The following ARPC4 variants were observed in gnomAD, a reference collection of about 807,000 sequenced individuals.
ARPC4 encodes the protein actin related protein 2/3 complex subunit 4.
ARPC4 carries 3 observed loss-of-function variants against 22.8 expected under a neutral mutation model. The observed-to-expected ratio is 0.13, with a 90% CI of 0.06 to 0.34. The LOEUF is 0.34. Ranked by LOEUF, ARPC4 falls within the 10% of genes least tolerant of loss-of-function variation. ARPC4 has a pLI of 1.00. For missense variants in ARPC4, 98 were observed against 211.0 expected (o/e 0.46, Z 3.32); for synonymous variants, 80 against 72.5 (o/e 1.10, Z -0.52).
At chr3:9,798,976 A>G (rs2125642829) in intron 2 of ARPC4, among the ~76,000 whole-genome samples, 1 of 152,380 alleles carries the variant, frequency 6.6e-6, no homozygotes, top group African/African-American at 2.4e-5. Flanking sequence ...TTAATTTTTA[A>G]TTTTAAAAAT....
At chr3:9,803,805 T>A in intron 4 of ARPC4, 38 bp from the exon 5 acceptor site, 1 of 1,599,234 alleles carries the variant, frequency 6.3e-7, no homozygotes, top group Non-Finnish European at 8.6e-7. Flanking sequence ...TTCTCTCCTG[T>A]TCCTTCTCTT....
chr3:9,794,825 G>C (rs2078847334), intron 1 of ARPC4, among the ~76,000 whole-genome samples: 1 of 152,030 alleles, frequency 6.6e-6, no homozygotes, highest in South Asian at 2.1e-4. Flanking sequence ...CCCCCCTGTA[G>C]TTTTGCCTTT....
chr3:9,794,494 G>A (rs941909869), intron 1 of ARPC4, among the ~76,000 whole-genome samples: 3 of 151,890 alleles, frequency 2.0e-5, no homozygotes, highest in East Asian at 1.9e-4. Flanking sequence ...GTAAGACTCC[G>A]TCTCAAAAAA....
Position 9,800,293 on chromosome 3 carries a change from A to G in ARPC4, c.231A>G (p.Lys77=). 1 of 1,614,088 alleles carries G rather than the reference A, an allele frequency of 6.2e-7. No individual in the cohort carries two copies. Among genetic ancestry groups the G allele is most frequent in the Non-Finnish European group, 8.5e-7 (1 of 1,179,996 alleles). Residue 77 remains lysine (K), a synonymous_variant, in exon 3 of 6, where the codon AAA becomes AAG. Transcript: ENST00000397261. ...CTGTCCGGGTCAGCATTGCTGTGAAACAGGTAAGTTCACCATGGAGGAGGC... is the reference window on the plus strand; with the variant it reads ...CTGTCCGGGTCAGCATTGCTGTGAAGCAGGTAAGTTCACCATGGAGGAGGC... ...INSVRVSIAV[K]QADEIEKILC... is the part of the protein sequence containing the mutation.
intron 1 of ARPC4, among the ~76,000 whole-genome samples, chr3:9,796,317 C>G (rs2078884335): frequency 6.6e-6 from 1 of 152,182 alleles, no homozygotes; most frequent in Non-Finnish European, 1.5e-5. Context: ...TCGCTTTAAC[C>G]CAGGAGGCGG....
chr3:9,793,521 C>T (rs370780695), intron 1 of ARPC4, among the ~76,000 whole-genome samples: 4 of 152,340 alleles, frequency 2.6e-5, no homozygotes, highest in African/African-American at 9.6e-5. Context: ...GCCCTTTGTC[C>T]TCTTCTGCCT....
chr3:9,802,706 C>G (rs1157602457), intron 4 of ARPC4, among the ~76,000 whole-genome samples: 4 of 113,226 alleles, frequency 3.5e-5, no homozygotes, highest in African/African-American at 1.4e-4. Flanking sequence ...TGGAGTTTTG[C>G]TTTTGTTGCC....
chr3:9,797,512 G>A (rs1240243501), intron 1 of ARPC4, 147 bp from the exon 2 acceptor site: 13 of 785,216 alleles, frequency 1.7e-5, no homozygotes, highest in Non-Finnish European at 2.3e-5. Context: ...AAGGCGTCTC[G>A]AAGGCCTAGT....
intron 1 of ARPC4, among the ~76,000 whole-genome samples, chr3:9,795,331 T>G (rs2125636675): frequency 6.6e-6 from 1 of 152,244 alleles, no homozygotes; most frequent in Non-Finnish European, 1.5e-5. Flanking sequence ...CCATCTAATG[T>G]CAGTCCAACG....
chr3:9,794,454 G>A (rs753427895), intron 1 of ARPC4, among the ~76,000 whole-genome samples: 17 of 152,130 alleles, frequency 1.1e-4, no homozygotes, highest in Middle Eastern at 3.2e-3. Context: ...AGTCGAGATC[G>A]TGCCACTGCA....
At chr3:9,805,718 C>G (rs1384422897) in intron 5 of ARPC4, among the ~76,000 whole-genome samples, 5 of 152,238 alleles carry the variant, frequency 3.3e-5, no homozygotes, top group Non-Finnish European at 5.9e-5. Context: ...CTAAAATGTG[C>G]AGGGCTGTCC....
At chr3:9,795,496 G>A (rs1441422777) in intron 1 of ARPC4, among the ~76,000 whole-genome samples, 1 of 152,030 alleles carries the variant, frequency 6.6e-6, no homozygotes, top group Admixed American at 6.6e-5. Flanking sequence ...AGCTAAACTT[G>A]GTAGCCTGGC....
At chr3:9,802,610 C>T (rs1185035) in intron 4 of ARPC4, among the ~76,000 whole-genome samples, 4 of 150,768 alleles carry the variant, frequency 2.7e-5, no homozygotes, top group African/African-American at 7.3e-5. Flanking sequence ...CTCCTGACCT[C>T]GTGATCTGCC....
At chr3:9,805,647 A>G (rs1044269385) in intron 5 of ARPC4, among the ~76,000 whole-genome samples, 1 of 152,252 alleles carries the variant, frequency 6.6e-6, no homozygotes, top group South Asian at 2.1e-4. Context: ...CATGTGGGCC[A>G]TGCAGTGCTC....
chr3:9,803,254 T>C (rs780996386), intron 4 of ARPC4, among the ~76,000 whole-genome samples: 2 of 152,176 alleles, frequency 1.3e-5, no homozygotes, highest in Non-Finnish European at 2.9e-5. Flanking sequence ...TTGAATCTTC[T>C]CCACAGACTC....
intron 3 of ARPC4, 57 bp downstream of exon 3, chr3:9,800,353 T>C (rs2125644666): frequency 6.4e-7 from 1 of 1,566,886 alleles, no homozygotes; most frequent in Non-Finnish European, 8.8e-7. Context: ...TTTCAGCCTC[T>C]TTCAGTCCGG....
chr3:9,793,007 A>G (rs970576209), upstream of ARPC4: 11 of 1,522,204 alleles, frequency 7.2e-6, no homozygotes, highest in African/African-American at 2.8e-5. Flanking sequence ...CGGAGCATAG[A>G]TGGTACCGTC....
At chr3:9,792,891 G>A (rs1559723527), upstream of ARPC4, 6 of 1,386,922 alleles carry the variant, frequency 4.3e-6, no homozygotes, top group Non-Finnish European at 4.6e-6. Context: ...CATTCCTGGA[G>A]GAGCTTAAAT....
chr3:9,801,640 T>G (rs748612640), intron 3 of ARPC4, 21 bp from the exon 4 acceptor site: 5 of 1,586,702 alleles, frequency 3.2e-6, no homozygotes, highest in Non-Finnish European at 2.6e-6. Flanking sequence ...TAGAGAAACA[T>G]TTCTCTCTTG....
Sources: gnomAD v4.1 joint callset for allele counts (sites outside exome capture counted in the v4.1 genomes callset) on GRCh38, gnomAD v4.1.1 for gene constraint, MANE v1.5 for transcripts, NCBI Gene and HGNC (gene_info 2026-07-23, HGNC 2026-07-21) for gene names.